The following RPS6KA5 variants were observed in gnomAD, a reference collection of about 807,000 sequenced individuals.
RPS6KA5 encodes ribosomal protein S6 kinase alpha-5.
RPS6KA5 carries 27 observed loss-of-function variants against 85.5 expected under a neutral mutation model. The ratio of observed to expected loss-of-function variants is 0.32; its 90% confidence interval spans 0.23 to 0.44. The LOEUF is 0.44. Among genes scored for constraint, RPS6KA5 ranks in the 20% least tolerant of loss-of-function variants. The probability of loss-of-function intolerance (pLI) is 1.00; values close to 1 mark genes in which losing one functional copy is unlikely to be tolerated. For missense variants in RPS6KA5, 811 were observed against 980.9 expected (o/e 0.83, Z 2.31); for synonymous variants, 334 against 348.2 (o/e 0.96, Z 0.46).
intron 2 of RPS6KA5, among the ~76,000 whole-genome samples, chr14:90,984,078 T>G (rs1376929501): frequency 1.3e-5 from 2 of 152,144 alleles, no homozygotes; most frequent in Non-Finnish European, 2.9e-5. Context: ...ACTCCTGACC[T>G]CCGGTGATCC....
chr14:91,020,240 T>C (rs545286872), intron 1 of RPS6KA5, among the ~76,000 whole-genome samples: 19 of 151,720 alleles, frequency 1.3e-4, no homozygotes, highest in South Asian at 4.2e-4. Context: ...TGGCCCTCCA[T>C]GTCCATGGGT....
chr14:90,853,490 A>C lies in RPS6KA5; in HGVS notation c.*18584T>G, dbSNP rs935764824. On this transcript the variant is annotated 3_prime_UTR_variant, in exon 17 of 17. Coordinates refer to ENST00000614987, the MANE Select transcript of RPS6KA5 (RefSeq NM_004755.4). ...TCCCTTAAGTAACAACAATAAAAAA[A>C]AAACCCAAAAACAAAACAAAGCATC... 6.8e-6 allele frequency: 1 copy of C among 147,550 alleles called. No homozygotes were observed. Among genetic ancestry groups the C allele is most frequent in the African/African-American group, 2.7e-5 (1 of 37,232 alleles). The allele number at this position is 147,550 out of a possible 1,614,324, so 9.1% of individuals were successfully genotyped here. A position where few individuals can be genotyped will look rare whatever the true frequency, so the allele number is the denominator to read the frequency against.
intron 9 of RPS6KA5, among the ~76,000 whole-genome samples, chr14:90,902,196 T>A (rs1045390828): frequency 1.0e-4 from 15 of 148,346 alleles, no homozygotes; most frequent in South Asian, 2.1e-4. Context: ...AAAAAAAAAA[T>A]TTTTTTGGCT....
intron 1 of RPS6KA5, among the ~76,000 whole-genome samples, chr14:91,018,289 T>C (rs1019729979): frequency 6.6e-6 from 1 of 152,224 alleles, no homozygotes; most frequent in Non-Finnish European, 1.5e-5. Flanking sequence ...TATTAATATA[T>C]GTACTAATCA....
At chr14:91,043,968 T>G (rs965104169) in intron 1 of RPS6KA5, among the ~76,000 whole-genome samples, 1 of 152,184 alleles carries the variant, frequency 6.6e-6, no homozygotes, top group African/African-American at 2.4e-5. Flanking sequence ...GGCTCACGCC[T>G]GTAATACCAG....
intron 14 of RPS6KA5, among the ~76,000 whole-genome samples, chr14:90,883,448 G>A (rs1029127206): frequency 1.3e-5 from 2 of 151,948 alleles, no homozygotes; most frequent in African/African-American, 4.8e-5. Flanking sequence ...TTTAGTTACT[G>A]TACTTTTCAG....
intron 1 of RPS6KA5, among the ~76,000 whole-genome samples, chr14:91,057,905 T>A (rs1219791101): frequency 2.0e-5 from 3 of 152,268 alleles, no homozygotes; most frequent in African/African-American, 7.2e-5. Flanking sequence ...CATATTAAGC[T>A]GCAGAGACGG....
intron 5 of RPS6KA5, among the ~76,000 whole-genome samples, chr14:90,933,271 T>C (rs968409786): frequency 6.6e-6 from 1 of 152,280 alleles, no homozygotes; most frequent in South Asian, 2.1e-4. Flanking sequence ...TATAGCTCAC[T>C]GCTTAACATC....
At chr14:91,034,203 G>A (rs983736089) in intron 1 of RPS6KA5, among the ~76,000 whole-genome samples, 4 of 151,736 alleles carry the variant, frequency 2.6e-5, no homozygotes, top group African/African-American at 4.9e-5. Context: ...TACTTGGGAG[G>A]CTGAGGCAAG....
intron 1 of RPS6KA5, among the ~76,000 whole-genome samples, chr14:91,020,061 TTAA>T (rs1457140220): frequency 6.6e-6 from 1 of 152,222 alleles, no homozygotes; most frequent in Non-Finnish European, 1.5e-5. Context: ...ATTTGTCTAA[TTAA>T]ACACATCTAA....
At chr14:90,982,000 T>C (rs775420842) in intron 2 of RPS6KA5, among the ~76,000 whole-genome samples, 19 of 152,212 alleles carry the variant, frequency 1.2e-4, no homozygotes, top group Non-Finnish European at 2.5e-4. Flanking sequence ...TTAAGCTGGT[T>C]TATAGCTCAG....
chr14:91,026,859 C>T (rs2042008500), intron 1 of RPS6KA5, among the ~76,000 whole-genome samples: 1 of 152,160 alleles, frequency 6.6e-6, no homozygotes, highest in Non-Finnish European at 1.5e-5. Context: ...TTTTGATTTG[C>T]CTTTCTCTGA....
intron 2 of RPS6KA5, among the ~76,000 whole-genome samples, chr14:90,995,865 G>A (rs2040494750): frequency 6.6e-6 from 1 of 152,046 alleles, no homozygotes; most frequent in Admixed American, 6.5e-5. Context: ...GGATTACTTG[G>A]GCCCAGGAGT....
rs192192359 is a variant in RPS6KA5, at chr14:90,989,544, G to A, written c.176-11020C>T. 1.7e-4 allele frequency among the ~76,000 whole-genome samples: 26 copies of A among 152,228 alleles called. No individual in the cohort carries two copies. The East Asian group carries it at 4.6e-3, about 27-fold the overall frequency. On this transcript the variant is annotated intron_variant, in intron 2 of 16. Coordinates refer to ENST00000614987, the MANE Select transcript of RPS6KA5 (RefSeq NM_004755.4). ...AGTCTTTAGCTGAGACCTTCATGCT[G>A]CACTTCATTATTAGAATTACTGATA...
At chr14:91,049,200 G>A (rs1167154374) in intron 1 of RPS6KA5, among the ~76,000 whole-genome samples, 1 of 152,122 alleles carries the variant, frequency 6.6e-6, no homozygotes, top group Non-Finnish European at 1.5e-5. Context: ...AGGCACTAGG[G>A]AACCAAATTA....
At chr14:90,955,884 T>C (rs939043566) in intron 3 of RPS6KA5, among the ~76,000 whole-genome samples, 4 of 152,238 alleles carry the variant, frequency 2.6e-5, no homozygotes, top group African/African-American at 9.6e-5. Flanking sequence ...TTTGGATCTA[T>C]GTTGTTAGGT....
chr14:91,052,013 T>C (rs1017595227), intron 1 of RPS6KA5, among the ~76,000 whole-genome samples: 2 of 152,068 alleles, frequency 1.3e-5, no homozygotes, highest in Non-Finnish European at 2.9e-5. Flanking sequence ...TGCTCGTAAA[T>C]ACTTTGATTA....
At position 90,983,322 on chromosome 14, in the gene RPS6KA5, T is replaced by C. The variant is rs117814100; in HGVS notation, c.176-4798A>G. 7.1e-3 allele frequency among the ~76,000 whole-genome samples: 1,048 copies of C among 148,430 alleles called. 4 individuals carry two copies. Among genetic ancestry groups the C allele is most frequent in the Non-Finnish European group, 0.012 (797 of 67,392 alleles). ...GAAAGAAAAAAATATGAGCAAAGTA[T>C]GGGCACAGTGGCTCATGTTAAAATC... On this transcript the variant is annotated intron_variant, in intron 2 of 16. Coordinates refer to ENST00000614987, the MANE Select transcript of RPS6KA5 (RefSeq NM_004755.4).
intron 7 of RPS6KA5, among the ~76,000 whole-genome samples, chr14:90,914,559 C>T (rs1249793416): frequency 6.6e-6 from 1 of 152,072 alleles, no homozygotes; most frequent in Non-Finnish European, 1.5e-5. Flanking sequence ...AGGTGATCCA[C>T]CTGCCTTGGC....
Sources: gnomAD v4.1 joint callset for allele counts (sites outside exome capture counted in the v4.1 genomes callset) on GRCh38, gnomAD v4.1.1 for gene constraint, MANE v1.5 for transcripts, NCBI Gene and HGNC (gene_info 2026-07-23, HGNC 2026-07-21) for gene names.